Variants in SERPINI1 observed in about 807,000 individuals in gnomAD.
SERPINI1 encodes the protein serpin family I member 1.
A neutral mutation model predicts 41.1 loss-of-function variants in SERPINI1; 19 were observed. That is an observed-to-expected ratio of 0.46 (90% CI 0.32 to 0.68). SERPINI1 has a LOEUF of 0.68. Among genes scored for constraint, SERPINI1 ranks in the 30% least tolerant of loss-of-function variants. SERPINI1 has a pLI of 0.03. For missense variants in SERPINI1, 460 were observed against 479.2 expected, an observed-to-expected ratio of 0.96 and a Z score of 0.37; for synonymous variants, 138 against 156.6, an observed-to-expected ratio of 0.88 and a Z score of 0.89.
rs1472443893 is a variant in SERPINI1 at position 167,812,816 on chromosome 3, CAT to C, written c.979+5476_979+5477del. ...ACACAGTAAAGGCTCATACAATAAACATGGATTATAGAAAGTGCTGAGAATCA... is the reference window on the plus strand; with the variant it reads ...ACACAGTAAAGGCTCATACAATAAACGGATTATAGAAAGTGCTGAGAATCA... On this transcript the variant is annotated intron_variant, in intron 6 of 8. Coordinates refer to ENST00000446050, the MANE Select transcript of SERPINI1 (RefSeq NM_001122752.2). 3.1e-4 allele frequency among the ~76,000 whole-genome samples: 47 copies of C among 152,146 alleles called. 1 individual carries two copies. Among genetic ancestry groups the C allele is most frequent in the Admixed American group, 3.1e-3 (47 of 15,278 alleles).
intron 5 of SERPINI1, among the ~76,000 whole-genome samples, chr3:167,807,012 A>G (rs988379946): frequency 1.3e-5 from 2 of 152,134 alleles, no homozygotes; most frequent in African/African-American, 2.4e-5. Flanking sequence ...TTTTGTGTCT[A>G]TATCATATAT....
At chr3:167,783,745 G>GCCAGCAA (rs1242808950) in intron 1 of SERPINI1, among the ~76,000 whole-genome samples, 1 of 152,216 alleles carries the variant, frequency 6.6e-6, no homozygotes, top group Non-Finnish European at 1.5e-5. Flanking sequence ...AAAGGAGGGA[G>GCCAGCAA]CCAGCAACCA....
intron 1 of SERPINI1, among the ~76,000 whole-genome samples, chr3:167,750,022 T>C (rs901685312): frequency 6.6e-6 from 1 of 152,208 alleles, no homozygotes; most frequent in Non-Finnish European, 1.5e-5. Context: ...AGAGGATTAA[T>C]TGTTACATTT....
At chr3:167,746,511 T>G (rs1443042904) in intron 1 of SERPINI1, among the ~76,000 whole-genome samples, 1 of 152,192 alleles carries the variant, frequency 6.6e-6, no homozygotes, top group African/African-American at 2.4e-5. Context: ...ATCAGGCATT[T>G]GAGAAGAACC....
At chr3:167,759,529 A>T (rs568535138) in intron 1 of SERPINI1, among the ~76,000 whole-genome samples, 43 of 152,006 alleles carry the variant, frequency 2.8e-4, no homozygotes, top group Middle Eastern at 3.4e-3. Flanking sequence ...TAACTCAAAA[A>T]ATCAGATACC....
chr3:167,757,497 ATC>A (rs71176653), intron 1 of SERPINI1, among the ~76,000 whole-genome samples: 108 of 151,432 alleles, frequency 7.1e-4, no homozygotes, highest in South Asian at 2.1e-3. Flanking sequence ...AATTAGTGAG[ATC>A]TCTCTCTCTC....
At chr3:167,821,651 G>A (rs1470799892) in intron 6 of SERPINI1, among the ~76,000 whole-genome samples, 4 of 152,160 alleles carry the variant, frequency 2.6e-5, no homozygotes, top group Non-Finnish European at 5.9e-5. Context: ...AGGCCGAGTG[G>A]GCACAATGAA....
rs151255789 is a variant in SERPINI1, at chr3:167,750,160, T to A, written c.-19+14337T>A. Among the ~76,000 whole-genome samples the A allele has an allele frequency of 2.7e-3, 418 of 152,360 alleles. 3 individuals are homozygous for A. Among genetic ancestry groups the A allele is most frequent in the African/African-American group, 9.5e-3 (394 of 41,588 alleles). ...CTATTGATAAAACACCCAGCCGGGATGACTTATTTTCAGAGAAATTAAAGA... is the reference window on the plus strand; with the variant it reads ...CTATTGATAAAACACCCAGCCGGGAAGACTTATTTTCAGAGAAATTAAAGA... On this transcript the variant is annotated intron_variant, in intron 1 of 8. Transcript: ENST00000446050.
intron 1 of SERPINI1, among the ~76,000 whole-genome samples, chr3:167,777,318 T>TAAG (rs1351750981): frequency 7.4e-6 from 1 of 135,274 alleles, no homozygotes; most frequent in African/African-American, 2.7e-5. Flanking sequence ...TTATTGACAT[T>TAAG]ATCTTAAGTT....
chr3:167,779,334 T>C (rs1727049866), intron 1 of SERPINI1, among the ~76,000 whole-genome samples: 1 of 152,184 alleles, frequency 6.6e-6, no homozygotes, highest in Non-Finnish European at 1.5e-5. Context: ...CAGTAAGCTA[T>C]GAGAACCAAT....
chr3:167,825,507 T>G lies in SERPINI1; in HGVS notation c.*184T>G. Reference sequence around the variant, plus strand: ...AATGTTATCAGTATTAAGCTAATGGTCCTGTTATGTCATTGTGTTTGTGTG... The same window carrying G: ...AATGTTATCAGTATTAAGCTAATGGGCCTGTTATGTCATTGTGTTTGTGTG... On this transcript the variant is annotated 3_prime_UTR_variant, in exon 9 of 9. Transcript: ENST00000446050. 1 of 574,352 alleles carries G rather than the reference T, an allele frequency of 1.7e-6. No homozygotes were observed. Among genetic ancestry groups the G allele is most frequent in the Non-Finnish European group, 3.1e-6 (1 of 321,028 alleles). 35.6% of individuals were successfully genotyped at this position (574,352 alleles called of 1,614,324 possible). A position where few individuals can be genotyped will look rare whatever the true frequency, so the allele number is the denominator to read the frequency against.
rs541537184 is a variant in SERPINI1 at position 167,766,913 on chromosome 3, C to T, written c.-18-22198C>T. 1.6e-4 allele frequency among the ~76,000 whole-genome samples: 24 copies of T among 152,314 alleles called. 1 individual carries two copies. Among genetic ancestry groups the T allele is most frequent in the African/African-American group, 4.8e-4 (20 of 41,576 alleles). On this transcript the variant is annotated intron_variant, in intron 1 of 8. Coordinates refer to ENST00000446050, the MANE Select transcript of SERPINI1 (RefSeq NM_001122752.2). ...GGAAGCCATCTCCGTAACATAAAAG[C>T]GTATGGAGAAGCAGCAAGTGCTGAT...
In SERPINI1 at chr3:167,802,513, A is replaced by G. The variant is rs1727933937; in HGVS notation, c.882-4731A>G. Among the ~76,000 whole-genome samples the G allele has an allele frequency of 7.2e-5, 11 of 151,750 alleles. No individual in the cohort carries two copies. The South Asian group carries it at 2.3e-3, about 32-fold the overall frequency. ...AAAGAAGACATTTATGCAGCCAAAA[A>G]ACACATGAAAAAATGCTCACCATCA... is the stretch of plus-strand genomic sequence containing the variant. On this transcript the variant is annotated intron_variant, in intron 5 of 8. Transcript: ENST00000446050.
intron 6 of SERPINI1, among the ~76,000 whole-genome samples, chr3:167,810,637 G>C (rs917707583): frequency 6.6e-6 from 1 of 152,180 alleles, no homozygotes; most frequent in African/African-American, 2.4e-5. Context: ...CCTTGATATT[G>C]ATGGTTTCTA....
At chr3:167,774,168 G>A (rs1268864346) in intron 1 of SERPINI1, among the ~76,000 whole-genome samples, 2 of 152,220 alleles carry the variant, frequency 1.3e-5, no homozygotes, top group Admixed American at 1.3e-4. Flanking sequence ...GCATATGAAA[G>A]TTCTCATCTT....
At chr3:167,793,596 A>ATATATATATATATATATATATATTTT in intron 4 of SERPINI1, among the ~76,000 whole-genome samples, 8 of 140,602 alleles carry the variant, frequency 5.7e-5, no homozygotes, top group African/African-American at 2.2e-4. Context: ...ATATATATAT[A>ATATATATATATATATATATATATTTT]TTTTTAATTA....
intron 6 of SERPINI1, among the ~76,000 whole-genome samples, chr3:167,814,418 A>C (rs1200302526): frequency 1.3e-5 from 2 of 152,224 alleles, no homozygotes; most frequent in African/African-American, 4.8e-5. Context: ...ACTTTTATAA[A>C]TTTCATGGGT....
intron 1 of SERPINI1, among the ~76,000 whole-genome samples, chr3:167,765,577 C>T (rs1726535226): frequency 6.6e-6 from 1 of 152,224 alleles, no homozygotes; most frequent in Admixed American, 6.5e-5. Flanking sequence ...CTGACATGTC[C>T]TGGAGACATT....
At chr3:167,790,329 C>G (rs760544243) in intron 2 of SERPINI1, 43 bp from the exon 3 acceptor site, 1 of 1,399,170 alleles carries the variant, frequency 7.1e-7, no homozygotes, top group Non-Finnish European at 1.0e-6. Flanking sequence ...GACATTTCAC[C>G]GTGTTTGTTC....
Sources: gnomAD v4.1 joint callset for allele counts (sites outside exome capture counted in the v4.1 genomes callset) on GRCh38, gnomAD v4.1.1 for gene constraint, MANE v1.5 for transcripts, NCBI Gene and HGNC (gene_info 2026-07-23, HGNC 2026-07-21) for gene names.